The following SIK3 variants were observed in gnomAD, a reference collection of about 807,000 sequenced individuals.
SIK3 encodes the protein SIK family kinase 3, also known as serine/threonine-protein kinase SIK3.
Under a neutral mutation model 144.2 loss-of-function variants are expected in SIK3, and 28 were observed. The ratio of observed to expected loss-of-function variants is 0.19; its 90% CI spans 0.14 to 0.27. SIK3 has a LOEUF of 0.27. Among genes scored for constraint, SIK3 ranks in the 10% least tolerant of loss-of-function variants. The probability of loss-of-function intolerance (pLI) is 1.00; values close to 1 mark genes in which losing one functional copy is unlikely to be tolerated. For synonymous variants in SIK3, 686 were observed against 676.3 expected (o/e 1.01, Z -0.22); for missense variants, 1,319 against 1,776.0 (o/e 0.74, Z 4.62).
intron 3 of SIK3, among the ~76,000 whole-genome samples, chr11:116,944,462 T>C (rs963981010): frequency 9.3e-5 from 5 of 53,654 alleles, no homozygotes; most frequent in African/African-American, 4.6e-4. Flanking sequence ...ATCAATCATG[T>C]GAGCAATCAA....
intron 15 of SIK3, among the ~76,000 whole-genome samples, chr11:116,866,981 T>C (rs1427118493): frequency 6.6e-6 from 1 of 152,244 alleles, no homozygotes; most frequent in Non-Finnish European, 1.5e-5. Flanking sequence ...CTGCTGATTA[T>C]GTTGATGCCA....
chr11:116,947,184 A>T lies in SIK3; in HGVS notation c.454+6860T>A, dbSNP rs7928573. Among the ~76,000 whole-genome samples, 334 of 121,432 alleles carry T rather than the reference A, an allele frequency of 2.8e-3. 3 individuals are homozygous for T. The highest frequency in any genetic ancestry group is 0.012 in the African/African-American group (308 of 26,746). 79.7% of individuals were successfully genotyped at this position (121,432 alleles called of 152,430 possible). A position where few individuals can be genotyped will look rare whatever the true frequency, so the allele number is the denominator to read the frequency against. Reference sequence around the variant, plus strand: ...TATATATAAATTATTATTTATATATAATATATTATATACAAATTATTATTT... The same window carrying T: ...TATATATAAATTATTATTTATATATTATATATTATATACAAATTATTATTT... On this transcript the variant is annotated intron_variant, in intron 3 of 24. Transcript: ENST00000445177.
chr11:116,861,231 T>C (rs754805958), intron 19 of SIK3, 43 bp downstream of exon 19: 3 of 1,379,892 alleles, frequency 2.2e-6, no homozygotes, highest in Admixed American at 2.0e-5. Context: ...TTTTTTCCCA[T>C]GTGGCATAAA....
At chr11:116,868,693 A>G (rs1286305420) in intron 14 of SIK3, 2 of 152,730 alleles carry the variant, frequency 1.3e-5, no homozygotes, top group African/African-American at 4.8e-5. Flanking sequence ...TGGGGAACCA[A>G]CATTCTGTGG....
At chr11:116,940,468 T>A (rs1219931466) in intron 3 of SIK3, among the ~76,000 whole-genome samples, 1 of 152,092 alleles carries the variant, frequency 6.6e-6, no homozygotes, top group Non-Finnish European at 1.5e-5. Context: ...TGATCTCAAG[T>A]GATCTGCCCA....
intron 1 of SIK3, among the ~76,000 whole-genome samples, chr11:117,037,856 T>G (rs1952581391): frequency 6.6e-6 from 1 of 152,196 alleles, no homozygotes; most frequent in Non-Finnish European, 1.5e-5. Flanking sequence ...CTGACCCTGG[T>G]TTCCTTGCCA....
rs980889201 is a variant in SIK3, at chr11:116,849,667, G to A, written c.3656-384C>T. On this transcript the variant is annotated intron_variant, in intron 21 of 24. Transcript: ENST00000445177. This position sits in a 1 kb window ranked among gnomAD's most constrained non-coding sequence, Gnocchi z 4.2. ...ATGCATCTGTTCTGTGGCTGGCTGC[G>A]TCCTCTCTCCTCCCCCGGTGACCTC... Among the ~76,000 whole-genome samples the A allele has an allele frequency of 6.6e-6, 1 of 152,014 alleles. No individual in the cohort carries two copies. The highest frequency in any genetic ancestry group is 1.5e-5 in the Non-Finnish European group (1 of 68,016).
intron 21 of SIK3, among the ~76,000 whole-genome samples, chr11:116,856,238 A>T (rs1437108090): frequency 6.6e-6 from 1 of 150,556 alleles, no homozygotes; most frequent in Non-Finnish European, 1.5e-5. Context: ...TCTCCTTTTC[A>T]TGCCAACTAT....
chr11:117,021,959 A>AAAAAAAAAC (rs1565565812), intron 1 of SIK3, among the ~76,000 whole-genome samples: 1 of 141,466 alleles, frequency 7.1e-6, no homozygotes, highest in African/African-American at 2.7e-5. Flanking sequence ...AAAAAAAAAA[A>AAAAAAAAAC]AACCTAAAAA....
chr11:116,867,011 T>TA lies in SIK3; in HGVS notation c.1952+934dup, dbSNP rs960154399. Among the ~76,000 whole-genome samples the TA allele has an allele frequency of 1.2e-4, 19 of 152,038 alleles. No homozygotes were observed. Among genetic ancestry groups the TA allele is most frequent in the African/African-American group, 2.7e-4 (11 of 41,432 alleles). The stretch of plus-strand genomic sequence containing the variant: ...ATGCCAAATGGGTAACCAGCCTCAG[T>TA]AAAAAAAATGTGTCAAGCTTGCCAG... On this transcript the variant is annotated intron_variant, in intron 15 of 24. Transcript: ENST00000445177. The surrounding 1 kb of genome is among the most constrained non-coding windows in gnomAD (Gnocchi z 4.1).
intron 1 of SIK3, among the ~76,000 whole-genome samples, chr11:117,033,250 G>A (rs561873775): frequency 2.6e-5 from 4 of 152,310 alleles, no homozygotes; most frequent in South Asian, 4.1e-4. Context: ...AGCACAGCGT[G>A]ACTGCCTATC....
At chr11:117,051,422 C>T (rs1953233948) in intron 1 of SIK3, among the ~76,000 whole-genome samples, 1 of 152,136 alleles carries the variant, frequency 6.6e-6, no homozygotes, top group Admixed American at 6.5e-5. Flanking sequence ...CCATAATAAA[C>T]CTCCTCTTAT....
intron 1 of SIK3, among the ~76,000 whole-genome samples, chr11:117,066,043 T>C (rs1382491258): frequency 6.6e-6 from 1 of 151,912 alleles, no homozygotes; most frequent in African/African-American, 2.4e-5. Context: ...CGGTCTTCAC[T>C]AGAATACTTT....
At chr11:117,079,878 G>C (rs1954708478) in intron 1 of SIK3, among the ~76,000 whole-genome samples, 1 of 151,902 alleles carries the variant, frequency 6.6e-6, no homozygotes, top group Non-Finnish European at 1.5e-5. Flanking sequence ...ATATTAAAAA[G>C]CTATTACAGG....
intron 1 of SIK3, among the ~76,000 whole-genome samples, chr11:117,005,280 G>A (rs1311610412): frequency 1.4e-5 from 2 of 139,434 alleles, no homozygotes; most frequent in Admixed American, 1.5e-4. Context: ...AGGCTGCAGT[G>A]AGCCGAGATC....
intron 7 of SIK3, 142 bp downstream of exon 7, chr11:116,876,782 T>G (rs1944282448): frequency 2.9e-6 from 2 of 687,748 alleles, no homozygotes; most frequent in East Asian, 2.7e-5. Flanking sequence ...TCCTTCTTGC[T>G]TGCTTCACGT....
chr11:116,969,115 C>G (rs890140652), intron 1 of SIK3, among the ~76,000 whole-genome samples: 2 of 151,810 alleles, frequency 1.3e-5, no homozygotes, highest in Non-Finnish European at 2.9e-5. Flanking sequence ...ACGGTGAAAC[C>G]TCGTCTCTAC....
intron 15 of SIK3, among the ~76,000 whole-genome samples, chr11:116,866,175 CGA>C (rs1342824905): frequency 6.6e-6 from 1 of 152,078 alleles, no homozygotes; most frequent in Non-Finnish European, 1.5e-5. Context: ...GGAAATGTGA[CGA>C]TCTTCATGTT....
chr11:116,975,186 A>T (rs557870901), intron 1 of SIK3, among the ~76,000 whole-genome samples: 52 of 139,030 alleles, frequency 3.7e-4, no homozygotes, highest in Admixed American at 1.4e-3. Context: ...CTAGTTATTT[A>T]AAAAAAAAAG....
Sources: gnomAD v4.1 joint callset for allele counts (sites outside exome capture counted in the v4.1 genomes callset) on GRCh38, gnomAD v4.1.1 for gene constraint, Gnocchi (gnomAD v3.1) non-coding constraint, MANE v1.5 for transcripts, NCBI Gene and HGNC (gene_info 2026-07-23, HGNC 2026-07-21) for gene names.